SDHC: variants seen among roughly 807,000 people sequenced by gnomAD.
SDHC encodes the protein succinate dehydrogenase complex subunit C.
In SDHC, 11 loss-of-function variants were observed where a neutral mutation model predicts 22.6. That is an observed-to-expected ratio of 0.49 (90% CI 0.31 to 0.81). The LOEUF is 0.81. Ranked by LOEUF, SDHC falls within the 30% of genes least tolerant of loss-of-function variation. The pLI is 0.05. For missense variants in SDHC, 160 were observed against 212.0 expected, an observed-to-expected ratio of 0.75 and a Z score of 1.52; for synonymous variants, 80 against 77.8, an observed-to-expected ratio of 1.03 and a Z score of -0.15.
At chr1:161,315,211 A>G (rs990530008) in intron 1 of SDHC, among the ~76,000 whole-genome samples, 1 of 152,134 alleles carries the variant, frequency 6.6e-6, no homozygotes, top group Non-Finnish European at 1.5e-5. Context: ...TGCCAGCCTT[A>G]TTTTTGGAAA....
At chr1:161,330,321 A>G (rs1488253182) in intron 3 of SDHC, among the ~76,000 whole-genome samples, 1 of 152,240 alleles carries the variant, frequency 6.6e-6, no homozygotes, top group Non-Finnish European at 1.5e-5. Flanking sequence ...CTGTGAATCT[A>G]AAGCAACAAG....
intron 1 of SDHC, among the ~76,000 whole-genome samples, chr1:161,319,239 A>G (rs938081510): frequency 6.6e-6 from 1 of 151,980 alleles, no homozygotes; most frequent in Non-Finnish European, 1.5e-5. Flanking sequence ...ATAAATAAAT[A>G]AATAAATAAA....
At chr1:161,319,477 C>T (rs1257036358) in intron 1 of SDHC, among the ~76,000 whole-genome samples, 2 of 148,556 alleles carry the variant, frequency 1.3e-5, no homozygotes, top group Non-Finnish European at 3.0e-5. Flanking sequence ...GACTGAGTCT[C>T]GCTCTGTCGC....
chr1:161,316,104 T>C (rs538307386), intron 1 of SDHC, among the ~76,000 whole-genome samples: 3 of 152,296 alleles, frequency 2.0e-5, no homozygotes, highest in East Asian at 1.9e-4. Context: ...AGATGGAATA[T>C]ACAATCGGGT....
At chr1:161,348,709 A>G (rs1671994018) in intron 4 of SDHC, among the ~76,000 whole-genome samples, 1 of 148,496 alleles carries the variant, frequency 6.7e-6, no homozygotes. Flanking sequence ...TGGGTGGCGC[A>G]TGGCTATAAT....
At chr1:161,346,119 T>C (rs1232824287) in intron 4 of SDHC, among the ~76,000 whole-genome samples, 2 of 152,150 alleles carry the variant, frequency 1.3e-5, no homozygotes, top group Non-Finnish European at 2.9e-5. Context: ...CTGCGTCTTT[T>C]ATTAGACTGT....
At chr1:161,331,885 G>A (rs1013629638) in intron 3 of SDHC, among the ~76,000 whole-genome samples, 2 of 152,160 alleles carry the variant, frequency 1.3e-5, no homozygotes, top group African/African-American at 2.4e-5. Flanking sequence ...ATGAGCCACC[G>A]CGCCTGGCAA....
chr1:161,345,115 C>T (rs1671847873), intron 4 of SDHC, among the ~76,000 whole-genome samples: 1 of 152,216 alleles, frequency 6.6e-6, no homozygotes, highest in Admixed American at 6.5e-5. Flanking sequence ...CTGGCTCTTC[C>T]CTAACTCATT....
intron 3 of SDHC, among the ~76,000 whole-genome samples, chr1:161,334,063 G>A (rs959275597): frequency 6.6e-6 from 1 of 152,164 alleles, no homozygotes; most frequent in South Asian, 2.1e-4. Flanking sequence ...ATAGTTCTGT[G>A]GGTCAGAAGT....
intron 5 of SDHC, among the ~76,000 whole-genome samples, chr1:161,359,113 A>G (rs1325428882): frequency 6.6e-6 from 1 of 152,002 alleles, no homozygotes; most frequent in Non-Finnish European, 1.5e-5. Flanking sequence ...AAAAAAAAGA[A>G]AAGATTTTAT....
intron 4 of SDHC, among the ~76,000 whole-genome samples, chr1:161,351,117 G>A (rs1672084262): frequency 6.6e-6 from 1 of 152,220 alleles, no homozygotes. Flanking sequence ...TGTGGTGCAC[G>A]TGTGATTCCG....
chr1:161,354,790 A>G (rs1672213590), intron 4 of SDHC, among the ~76,000 whole-genome samples: 2 of 145,770 alleles, frequency 1.4e-5, no homozygotes, highest in Non-Finnish European at 3.0e-5. Context: ...GCTTCCTGCA[A>G]CCTCCACCTC....
Position 161,333,084 on chromosome 1 carries a change from A to G in SDHC, c.179+4587A>G, listed in dbSNP as rs1270138861. On this transcript the variant is annotated intron_variant, in intron 3 of 5. Coordinates refer to ENST00000367975, the MANE Select transcript of SDHC (RefSeq NM_003001.5). The stretch of plus-strand genomic sequence containing the variant: ...CCGAACATTTCATTTAAATGTAGTG[A>G]TAAAATATGTGGTCCTTTGTGACTG... Among the ~76,000 whole-genome samples, 5 of 152,238 alleles carry G rather than the reference A, an allele frequency of 3.3e-5. No individual in the cohort carries two copies. The East Asian group carries it at 9.6e-4, about 29-fold the overall frequency.
rs1405447017 is a variant in SDHC, at chr1:161,363,030, A to G, written c.*597A>G. On this transcript the variant is annotated 3_prime_UTR_variant, in exon 6 of 6. Coordinates refer to ENST00000367975, the MANE Select transcript of SDHC (RefSeq NM_003001.5). Reference sequence around the variant, plus strand: ...GAGCAGCTGCTTTTGAGGAGAAAATATATAGCTTTGGACACGAGGAAGATC... The same window carrying G: ...GAGCAGCTGCTTTTGAGGAGAAAATGTATAGCTTTGGACACGAGGAAGATC... 1.6e-5 allele frequency: 4 copies of G among 247,528 alleles called. No homozygotes were observed. The highest frequency in any genetic ancestry group is 3.2e-5 in the Non-Finnish European group (4 of 125,018). 15.3% of individuals were successfully genotyped at this position (247,528 alleles called of 1,614,324 possible).
At chr1:161,359,920 A>G (rs991350116) in intron 5 of SDHC, among the ~76,000 whole-genome samples, 1 of 152,094 alleles carries the variant, frequency 6.6e-6, no homozygotes, top group Non-Finnish European at 1.5e-5. Flanking sequence ...CTCTCTATAA[A>G]ACATTGTCCT....
At chr1:161,339,127 C>T (rs543510529) in intron 3 of SDHC, among the ~76,000 whole-genome samples, 63 of 152,248 alleles carry the variant, frequency 4.1e-4, no homozygotes, top group Non-Finnish European at 7.8e-4. Flanking sequence ...GGATTACAGG[C>T]GTGAGCCACC....
intron 3 of SDHC, among the ~76,000 whole-genome samples, chr1:161,330,192 A>T (rs1671223612): frequency 1.3e-5 from 2 of 152,208 alleles, no homozygotes; most frequent in African/African-American, 4.8e-5. Context: ...TGGCCCCAAA[A>T]GTTTCAACCT....
chr1:161,322,884 TG>T (rs1670888980), intron 1 of SDHC, among the ~76,000 whole-genome samples: 1 of 151,858 alleles, frequency 6.6e-6, no homozygotes, highest in Non-Finnish European at 1.5e-5. Flanking sequence ...TTCATCCGTT[TG>T]TAGTAGATAT....
intron 4 of SDHC, among the ~76,000 whole-genome samples, chr1:161,353,307 A>T (rs958677359): frequency 6.6e-6 from 1 of 152,072 alleles, no homozygotes; most frequent in African/African-American, 2.4e-5. Context: ...GTCCTATTTG[A>T]TGCATAGATC....
Sources: gnomAD v4.1 joint callset for allele counts (sites outside exome capture counted in the v4.1 genomes callset) on GRCh38, gnomAD v4.1.1 for gene constraint, MANE v1.5 for transcripts, NCBI Gene and HGNC (gene_info 2026-07-23, HGNC 2026-07-21) for gene names.